SH3KBP1: variants seen among roughly 807,000 people sequenced by gnomAD.
SH3KBP1 encodes SH3 domain containing kinase binding protein 1.
A neutral mutation model predicts 50.1 loss-of-function variants in SH3KBP1; 8 were observed. The observed-to-expected ratio is 0.16, with a 90% CI of 0.09 to 0.29. The LOEUF (loss-of-function observed/expected upper bound fraction) is 0.29, where lower values mean the gene tolerates loss of function less well. Among genes scored for constraint, SH3KBP1 ranks in the 10% least tolerant of loss-of-function variants. The probability of loss-of-function intolerance (pLI) is 1.00; values close to 1 mark genes in which losing one functional copy is unlikely to be tolerated. For missense variants in SH3KBP1, 377 were observed against 535.2 expected, an observed-to-expected ratio of 0.70 and a Z score of 2.92; for synonymous variants, 227 against 218.6, an observed-to-expected ratio of 1.04 and a Z score of -0.34.
At chrX:19,865,309 T>G (rs1020631880) in intron 1 of SH3KBP1, among the ~76,000 whole-genome samples, 1 of 112,327 alleles carries the variant, frequency 8.9e-6, no homozygotes, top group East Asian at 2.8e-4. Context: ...AGTCTGTTCT[T>G]CTGGTTGTTT....
chrX:19,787,503 A>G (rs964217602), intron 2 of SH3KBP1, among the ~76,000 whole-genome samples: 4 of 111,970 alleles, frequency 3.6e-5, no homozygotes, highest in African/African-American at 1.3e-4. Flanking sequence ...TTGCAAAAAA[A>G]GATCCAAATT....
intron 2 of SH3KBP1, among the ~76,000 whole-genome samples, chrX:19,779,699 T>C (rs1439628821): frequency 1.2e-4 from 13 of 106,413 alleles, no homozygotes; most frequent in Middle Eastern, 4.8e-3. Context: ...GTTCTTACAA[T>C]AGTTGACTGA....
chrX:19,746,863 T>C (rs1054008519), intron 2 of SH3KBP1, among the ~76,000 whole-genome samples: 2 of 112,147 alleles, frequency 1.8e-5, no homozygotes, highest in East Asian at 2.8e-4. Flanking sequence ...CAAATTACCA[T>C]TGTGCTCACA....
intron 8 of SH3KBP1, among the ~76,000 whole-genome samples, chrX:19,621,064 C>T (rs371155257): frequency 1.6e-3 from 73 of 47,021 alleles, no homozygotes; most frequent in Admixed American, 2.1e-3. Context: ...AATACCATTT[C>T]TTTTCTTTCT....
intron 13 of SH3KBP1, among the ~76,000 whole-genome samples, chrX:19,562,150 T>C (rs1367251814): frequency 2.7e-5 from 3 of 112,023 alleles, no homozygotes; most frequent in Non-Finnish European, 5.6e-5. Context: ...AGGATTTTGA[T>C]AATTTACTTA....
chrX:19,774,648 CAAAAAAAAAGAAAGAAAGAA>C (rs2148898779), intron 2 of SH3KBP1, among the ~76,000 whole-genome samples: 1 of 41,674 alleles, frequency 2.4e-5, no homozygotes, highest in East Asian at 6.3e-4. Flanking sequence ...TCCCCTGTCT[CAAAAAAAAAGAAAGAAAGAA>C]AGAAAGAAAG....
chrX:19,677,526 G>C (rs1404710955), intron 6 of SH3KBP1, among the ~76,000 whole-genome samples: 2 of 111,626 alleles, frequency 1.8e-5, no homozygotes, highest in East Asian at 5.6e-4. Context: ...CCATCTGCCT[G>C]CTGGATGTCT....
Position 19,537,730 on chromosome X carries a change from C to T in SH3KBP1, c.1943G>A (p.Arg648Gln), listed in dbSNP as rs770229859. The change falls in exon 17 of 18, where the codon CGG (arginine) becomes CAG (glutamine). Residue 648 changes from arginine to glutamine, a missense_variant. Arg to Gln is a conservative substitution (Grantham distance 43). Around this residue, in one of 3 missense-constraint regions of SH3KBP1, gnomAD observed 110 missense variants for 124.1 expected, o/e 0.89. Coordinates refer to ENST00000397821, the MANE Select transcript of SH3KBP1 (RefSeq NM_031892.3). ...LSELDEEKKI[R>Q]LRLQMEVNDI... ...AAAGGGACGCACCTGCAACCGAAGC[C>T]GGATTTTCTTCTCTTCATCCAACTC... 8.3e-7 allele frequency: 1 copy of T among 1,211,128 alleles called. No individual in the cohort carries two copies. Among genetic ancestry groups the T allele is most frequent in the Non-Finnish European group, 1.1e-6 (1 of 895,032 alleles).
intron 9 of SH3KBP1, among the ~76,000 whole-genome samples, chrX:19,604,280 T>A (rs753020020): frequency 6.2e-5 from 7 of 112,005 alleles, no homozygotes; most frequent in Non-Finnish European, 1.1e-4. Context: ...GATCAACGGA[T>A]GCTCTTCTGG....
At chrX:19,658,189 G>A (rs1222797572) in intron 6 of SH3KBP1, among the ~76,000 whole-genome samples, 1 of 111,796 alleles carries the variant, frequency 8.9e-6, no homozygotes, top group Non-Finnish European at 1.9e-5. Context: ...CTTAAGATTC[G>A]ACCACAAAAT....
At chrX:19,615,942 G>C (rs1376662476) in intron 8 of SH3KBP1, among the ~76,000 whole-genome samples, 1 of 106,697 alleles carries the variant, frequency 9.4e-6, no homozygotes, top group Non-Finnish European at 1.9e-5. Flanking sequence ...TTTAGACGGG[G>C]CCTCACTCTG....
At chrX:19,839,145 T>C (rs910062128) in intron 1 of SH3KBP1, among the ~76,000 whole-genome samples, 2 of 109,602 alleles carry the variant, frequency 1.8e-5, no homozygotes, top group Admixed American at 9.8e-5. Context: ...ACCTGAACCA[T>C]GAAGAAAATG....
intron 2 of SH3KBP1, among the ~76,000 whole-genome samples, chrX:19,828,016 C>G (rs1159525872): frequency 2.7e-5 from 3 of 109,980 alleles, no homozygotes; most frequent in Non-Finnish European, 5.7e-5. Context: ...TCCCCCCCAT[C>G]CCCCGCCAGG....
chrX:19,577,627 C>T (rs1221803099), intron 12 of SH3KBP1, among the ~76,000 whole-genome samples: 3 of 110,478 alleles, frequency 2.7e-5, no homozygotes, highest in African/African-American at 6.6e-5. Context: ...ATTTAGCCTG[C>T]GTTGGGACAG....
At chrX:19,719,321 G>A (rs904070893) in intron 3 of SH3KBP1, among the ~76,000 whole-genome samples, 5 of 110,817 alleles carry the variant, frequency 4.5e-5, no homozygotes, top group Non-Finnish European at 7.6e-5. Flanking sequence ...GAAAATCCCC[G>A]ATCCAGGCCC....
rs748353385 is a variant in SH3KBP1 at position 19,537,725 on chromosome X, G to A, written c.1948C>T (p.Arg650Trp). 17 of 1,210,870 alleles carry A rather than the reference G, an allele frequency of 1.4e-5. No individual in the cohort carries two copies. Among genetic ancestry groups the A allele is most frequent in the East Asian group, 3.0e-5 (1 of 33,836 alleles). The change falls in exon 17 of 18, where the codon CGG becomes TGG. Residue 650 changes from arginine (R) to tryptophan (W), a missense_variant. Physicochemically the swap from Arg to Trp is moderately radical, Grantham distance 101 (BLOSUM62 -3). Transcript: ENST00000397821. Reference protein sequence around the residue: ...ELDEEKKIRLRLQMEVNDIKK... With the variant: ...ELDEEKKIRLWLQMEVNDIKK... ...AACCCAAAGGGACGCACCTGCAACC[G>A]AAGCCGGATTTTCTTCTCTTCATCC...
chrX:19,639,072 G>A (rs1366481715), intron 7 of SH3KBP1, among the ~76,000 whole-genome samples: 1 of 111,635 alleles, frequency 9.0e-6, no homozygotes, highest in East Asian at 2.8e-4. Flanking sequence ...AGAGGACAAC[G>A]CCCACCAACA....
chrX:19,769,479 C>T (rs937721572), intron 2 of SH3KBP1, among the ~76,000 whole-genome samples: 9 of 110,732 alleles, frequency 8.1e-5, no homozygotes, highest in Non-Finnish European at 1.3e-4. Context: ...GTTGATTTAG[C>T]ATCACTTGCC....
intron 2 of SH3KBP1, among the ~76,000 whole-genome samples, chrX:19,789,692 C>G (rs1391016522): frequency 9.2e-6 from 1 of 108,638 alleles, no homozygotes; most frequent in Non-Finnish European, 1.9e-5. Context: ...AAGGACCTAT[C>G]TCCAAAGACA....
Sources: allele counts gnomAD v4.1 joint callset (sites outside exome capture counted in the v4.1 genomes callset), GRCh38; gene constraint gnomAD v4.1.1; regional missense constraint gnomAD v4.1.1; transcripts MANE v1.5; gene names NCBI Gene and HGNC (gene_info 2026-07-23, HGNC 2026-07-21).